The following UBR3 variants were observed in gnomAD, a reference collection of about 807,000 sequenced individuals.
UBR3 encodes E3 ubiquitin-protein ligase UBR3.
Under a neutral mutation model 243.2 loss-of-function variants are expected in UBR3, and 85 were observed. The ratio of observed to expected loss-of-function variants is 0.35; its 90% CI spans 0.29 to 0.42. The LOEUF is 0.42. Ranked by LOEUF, UBR3 falls within the 10% of genes least tolerant of loss-of-function variation. The probability of loss-of-function intolerance (pLI) is 1.00; values close to 1 mark genes in which losing one functional copy is unlikely to be tolerated. For synonymous variants in UBR3, 748 were observed against 799.8 expected (o/e 0.94, Z 1.09); for missense variants, 1,686 against 2,300.8 (o/e 0.73, Z 5.47).
chr2:169,888,566 A>G (rs2084204030), intron 5 of UBR3, among the ~76,000 whole-genome samples: 1 of 152,188 alleles, frequency 6.6e-6, no homozygotes, highest in South Asian at 2.1e-4. Context: ...GAACATCTAT[A>G]AAAAGGAATA....
At chr2:169,954,901 A>T (rs375223218) in intron 23 of UBR3, among the ~76,000 whole-genome samples, 1 of 152,168 alleles carries the variant, frequency 6.6e-6, no homozygotes, top group Admixed American at 6.5e-5. Flanking sequence ...AGAAAGATCC[A>T]GTTCATAATC....
chr2:169,836,043 CTA>C (rs1236888848), intron 1 of UBR3, among the ~76,000 whole-genome samples: 5 of 8,054 alleles, frequency 6.2e-4, no homozygotes, highest in Admixed American at 3.8e-3. Context: ...CTCTCTCTCT[CTA>C]TATATATATA....
chr2:170,031,770 G>A (rs1049242191), intron 31 of UBR3, among the ~76,000 whole-genome samples: 6 of 152,114 alleles, frequency 3.9e-5, no homozygotes, highest in African/African-American at 1.4e-4. Context: ...GTGAGAACGT[G>A]CAGTGTTTGG....
chr2:169,867,756 G>A (rs569027338), intron 1 of UBR3, among the ~76,000 whole-genome samples: 1 of 152,282 alleles, frequency 6.6e-6, no homozygotes, highest in South Asian at 2.1e-4. Flanking sequence ...AAATACAATA[G>A]GATGTTGAAC....
intron 32 of UBR3, among the ~76,000 whole-genome samples, chr2:170,048,726 G>A (rs1277112872): frequency 6.6e-6 from 1 of 152,080 alleles, no homozygotes; most frequent in African/African-American, 2.4e-5. Flanking sequence ...TTTCTTTTAA[G>A]TGAAAAGGTG....
chr2:170,047,391 A>C (rs996342927), intron 32 of UBR3, among the ~76,000 whole-genome samples: 5 of 152,200 alleles, frequency 3.3e-5, no homozygotes, highest in African/African-American at 1.2e-4. Flanking sequence ...AAAAAATTGT[A>C]CATATATGTG....
At chr2:169,998,539 GC>G (rs1416513210) in intron 26 of UBR3, among the ~76,000 whole-genome samples, 1 of 152,158 alleles carries the variant, frequency 6.6e-6, no homozygotes, top group Non-Finnish European at 1.5e-5. Context: ...TGATTCAGGG[GC>G]TAGCACATGC....
intron 25 of UBR3, among the ~76,000 whole-genome samples, chr2:169,987,453 T>G (rs2089072424): frequency 6.6e-6 from 1 of 151,216 alleles, no homozygotes; most frequent in Non-Finnish European, 1.5e-5. Context: ...GGGAAACTCC[T>G]TAGCCCATAA....
chr2:170,072,436 G>C (rs12620787), intron 35 of UBR3, among the ~76,000 whole-genome samples: 65,035 of 150,484 alleles, frequency 0.43, 15,551 homozygotes, highest in Non-Finnish European at 0.54. Flanking sequence ...GTAGCGGGAG[G>C]GGGGAGGGAT....
At chr2:170,031,203 C>T (rs1257925404) in intron 31 of UBR3, among the ~76,000 whole-genome samples, 2 of 152,052 alleles carry the variant, frequency 1.3e-5, no homozygotes, top group Non-Finnish European at 2.9e-5. Flanking sequence ...TCAGCCTCTC[C>T]CGTGTTGCTA....
At chr2:169,882,683 A>G (rs1332796049) in intron 5 of UBR3, among the ~76,000 whole-genome samples, 2 of 151,690 alleles carry the variant, frequency 1.3e-5, no homozygotes, top group Non-Finnish European at 2.9e-5. Context: ...GAAGTTGCAG[A>G]GCTGAGATTG....
At chr2:169,990,812 G>A (rs2089243749) in intron 25 of UBR3, among the ~76,000 whole-genome samples, 2 of 151,542 alleles carry the variant, frequency 1.3e-5, no homozygotes, top group Admixed American at 1.3e-4. Flanking sequence ...ACAGAAGAAG[G>A]CAGTAATCAA....
intron 5 of UBR3, among the ~76,000 whole-genome samples, chr2:169,881,935 A>AGGTATATGTATACATGTATAC (rs1467007412): frequency 2.2e-4 from 10 of 44,486 alleles, no homozygotes; most frequent in Admixed American, 5.9e-4. Context: ...GTATACATAT[A>AGGTATATGTATACATGTATAC]ATATAATTAC....
intron 22 of UBR3, among the ~76,000 whole-genome samples, chr2:169,948,592 G>A (rs1351703634): frequency 6.6e-6 from 1 of 151,988 alleles, no homozygotes; most frequent in East Asian, 1.9e-4. Flanking sequence ...TCTATTTGTA[G>A]GAGCTTTCTT....
intron 27 of UBR3, among the ~76,000 whole-genome samples, chr2:170,006,675 GT>G (rs1373793165): frequency 1.3e-5 from 2 of 152,142 alleles, no homozygotes; most frequent in Non-Finnish European, 2.9e-5. Flanking sequence ...AATGTGGCCT[GT>G]TTTTTGAATT....
intron 20 of UBR3, 121 bp downstream of exon 20, chr2:169,942,755 A>G (rs2086640251): frequency 1.0e-6 from 1 of 968,534 alleles, no homozygotes. Flanking sequence ...TGCATTTAAG[A>G]TGTATGAAGA....
chr2:169,856,371 T>C lies in UBR3; in HGVS notation c.546-15865T>C, dbSNP rs527672031. Among the ~76,000 whole-genome samples, 433 of 148,436 alleles carry C rather than the reference T, an allele frequency of 2.9e-3. 2 individuals carry two copies. The highest frequency in any genetic ancestry group is 0.01 in the African/African-American group (417 of 39,754). ...AGACTGGGCAGCCGGGCAGAGGGGC[T>C]CCTCACATCCCAGACGATGGGCGGC... On this transcript the variant is annotated intron_variant, in intron 1 of 38. Coordinates refer to ENST00000272793, the MANE Select transcript of UBR3 (RefSeq NM_172070.4).
rs776535315 is a variant in UBR3, at chr2:170,073,647, T to C, written c.5199+40T>C. 5 of 1,586,244 alleles carry C rather than the reference T, an allele frequency of 3.2e-6. No homozygotes were observed. The South Asian group carries it at 4.5e-5, about 14-fold the overall frequency. Reference sequence around the variant, plus strand: ...TTGTACTAGCTTGTCACGGTGGTGATATGCTAATAGGTAAGAGAATAATGA... The same window carrying C: ...TTGTACTAGCTTGTCACGGTGGTGACATGCTAATAGGTAAGAGAATAATGA... On this transcript the variant is annotated intron_variant, in intron 36 of 38. Coordinates refer to ENST00000272793, the MANE Select transcript of UBR3 (RefSeq NM_172070.4).
intron 31 of UBR3, among the ~76,000 whole-genome samples, chr2:170,035,191 A>C (rs898835298): frequency 1.3e-5 from 2 of 152,026 alleles, no homozygotes; most frequent in Non-Finnish European, 2.9e-5. Context: ...AGTTCAGCTT[A>C]TCAGTTATTT....
Sources: allele counts gnomAD v4.1 joint callset (sites outside exome capture counted in the v4.1 genomes callset), GRCh38; gene constraint gnomAD v4.1.1; transcripts MANE v1.5; gene names NCBI Gene and HGNC (gene_info 2026-07-23, HGNC 2026-07-21).